Variants in KIF1A observed in about 807,000 individuals in gnomAD.
KIF1A encodes kinesin family member 1A.
In KIF1A, 46 loss-of-function variants were observed where a neutral mutation model predicts 227.3. The observed-to-expected ratio is 0.20, with a 90% CI of 0.16 to 0.26. KIF1A has a LOEUF of 0.26. Among genes scored for constraint, KIF1A ranks in the 10% least tolerant of loss-of-function variants. The pLI, the probability that KIF1A is intolerant of heterozygous loss-of-function variation, is 1.00. For synonymous variants in KIF1A, 1,022 were observed against 1,012.8 expected (o/e 1.01, Z -0.17); for missense variants, 1,683 against 2,485.9 (o/e 0.68, Z 6.87).
At chr2:240,733,939 G>A (rs1334024949) in intron 38 of KIF1A, among the ~76,000 whole-genome samples, 2 of 152,238 alleles carry the variant, frequency 1.3e-5, no homozygotes, top group Admixed American at 6.5e-5. Context: ...GGACTTGGAG[G>A]CCCTCCATCC....
At chr2:240,813,664 AC>A (rs1313723222) in intron 1 of KIF1A, among the ~76,000 whole-genome samples, 1 of 138,710 alleles carries the variant, frequency 7.2e-6, no homozygotes, top group Non-Finnish European at 1.6e-5. Flanking sequence ...TGGACACCCC[AC>A]CCCCCATGGA....
chr2:240,786,600 G>GCTGCCA, intron 5 of KIF1A, 87 bp from the exon 6 acceptor site: 2 of 1,281,290 alleles, frequency 1.6e-6, no homozygotes, highest in Non-Finnish European at 2.2e-6. Context: ...GGGGGTAGGG[G>GCTGCCA]TCAACATAAG....
At position 240,788,213 on chromosome 2, in the gene KIF1A, G is replaced by A. The variant is rs767617976; in HGVS notation, c.201C>T (p.Tyr67=). ...WSHTSPEDIN[Y]ASQKQVYRDI... ...CCCGGTACACCTGCTTCTGCGACGC[G>A]TAGTTGATGTCCTCAGGCTGGAGGA... The change falls in exon 4 of 49, where the codon TAC becomes TAT. Residue 67 remains tyrosine (Y), a synonymous_variant. Transcript: ENST00000498729. This position sits in a 1 kb window ranked among gnomAD's most constrained non-coding sequence, Gnocchi z 6.6. 2.2e-5 allele frequency: 35 copies of A among 1,613,760 alleles called. No individual in the cohort carries two copies. The highest frequency in any genetic ancestry group is 2.5e-5 in the Non-Finnish European group (29 of 1,179,840).
At chr2:240,762,003 T>A (rs2050591035) in intron 23 of KIF1A, among the ~76,000 whole-genome samples, 1 of 152,154 alleles carries the variant, frequency 6.6e-6, no homozygotes, top group South Asian at 2.1e-4. Flanking sequence ...AGGAGGGACT[T>A]GTCCTTGTGC....
chr2:240,796,918 G>A (rs1489408177), intron 2 of KIF1A, among the ~76,000 whole-genome samples: 1 of 152,184 alleles, frequency 6.6e-6, no homozygotes, highest in African/African-American at 2.4e-5. Context: ...CTCCCCACCT[G>A]GTAGATAATA....
chr2:240,817,251 C>T (rs1189851365), intron 1 of KIF1A, among the ~76,000 whole-genome samples: 2 of 152,184 alleles, frequency 1.3e-5, no homozygotes, highest in Admixed American at 1.3e-4. Flanking sequence ...AGGTTCGGGG[C>T]AGGGTGTGGC....
rs897103541 is a variant in KIF1A at position 240,758,029 on chromosome 2, C to T, written c.2582+331G>A. ...AGCCCTGCCTCCATGTTCCCACCCT[C>T]AGGACCAACAGGTGACCTGGAAAGT... On this transcript the variant is annotated intron_variant, in intron 26 of 48. Transcript: ENST00000498729. The surrounding 1 kb of genome is among the most constrained non-coding windows in gnomAD (Gnocchi z 5.2). Among the ~76,000 whole-genome samples the T allele has an allele frequency of 3.9e-5, 6 of 152,226 alleles. No homozygotes were observed. Among genetic ancestry groups the T allele is most frequent in the Non-Finnish European group, 8.8e-5 (6 of 68,048 alleles).
intron 9 of KIF1A, among the ~76,000 whole-genome samples, 180 bp downstream of exon 9, chr2:240,782,864 C>T (rs540715458): frequency 9.2e-5 from 14 of 152,268 alleles, no homozygotes; most frequent in African/African-American, 3.1e-4. Flanking sequence ...CTGAGGGTCC[C>T]GGGAGAAACC....
At chr2:240,747,119 C>G in intron 29 of KIF1A, 117 bp downstream of exon 29, 1 of 683,166 alleles carries the variant, frequency 1.5e-6, no homozygotes, top group East Asian at 2.8e-5. Flanking sequence ...GGGAAGAACC[C>G]CAAGAGGACT....
intron 1 of KIF1A, among the ~76,000 whole-genome samples, chr2:240,801,676 G>A (rs535785606): frequency 8.5e-5 from 13 of 152,134 alleles, no homozygotes; most frequent in Non-Finnish European, 1.6e-4. Context: ...GGTCATGAGG[G>A]TGGGGCCTCA....
intron 24 of KIF1A, 87 bp downstream of exon 24, chr2:240,761,142 G>T: frequency 6.9e-7 from 1 of 1,457,052 alleles, no homozygotes; most frequent in Non-Finnish European, 9.4e-7. Context: ...AGAGAGCCAA[G>T]TGCTGAGTCC....
At chr2:240,724,398 C>T in intron 40 of KIF1A, 1 of 348,392 alleles carries the variant, frequency 2.9e-6, no homozygotes, top group South Asian at 2.6e-5. Context: ...CCCCATACCC[C>T]ACAGAGCAGC....
chr2:240,819,779 A>G (rs2106396893), intron 1 of KIF1A, among the ~76,000 whole-genome samples: 1 of 151,872 alleles, frequency 6.6e-6, no homozygotes, highest in East Asian at 2.0e-4. Context: ...GGGCGGGGGT[A>G]TCCCGATCCC....
intron 28 of KIF1A, among the ~76,000 whole-genome samples, chr2:240,748,508 G>C (rs1456122000): frequency 6.6e-6 from 1 of 151,682 alleles, no homozygotes; most frequent in Non-Finnish European, 1.5e-5. Flanking sequence ...GCTCAGGATG[G>C]CTCCGCTCAG....
Position 240,760,842 on chromosome 2 carries a change from A to G in KIF1A, c.2267T>C (p.Val756Ala). 6.2e-7 allele frequency: 1 copy of G among 1,605,146 alleles called. No homozygotes were observed. The highest frequency in any genetic ancestry group is 8.5e-7 in the Non-Finnish European group (1 of 1,176,826). The change falls in exon 25 of 49, where the codon GTA becomes GCA. Residue 756 changes from valine to alanine, a missense_variant and splice_region_variant. This residue lies in a region of KIF1A where 217 missense variants were observed against 427.0 expected (regional missense o/e 0.51). Coordinates refer to ENST00000498729, the MANE Select transcript of KIF1A (RefSeq NM_001244008.2). ...NAISVELKKK[V>A]QFQFVLLTDT... The stretch of plus-strand genomic sequence containing the variant: ...CGTCAGGAGGACAAACTGGAATTGT[A>G]CCTGTGACAGGGGAAGATGACCACT...
intron 27 of KIF1A, among the ~76,000 whole-genome samples, chr2:240,755,698 A>G (rs1262776359): frequency 6.6e-6 from 1 of 152,166 alleles, no homozygotes; most frequent in Non-Finnish European, 1.5e-5. Context: ...TCAAATCCAC[A>G]AAAGGGGAAA....
At chr2:240,796,635 C>T (rs1432926902) in intron 2 of KIF1A, among the ~76,000 whole-genome samples, 1 of 152,204 alleles carries the variant, frequency 6.6e-6, no homozygotes, top group African/African-American at 2.4e-5. Context: ...TGGGGCCCCA[C>T]AGCCGCAGCA....
intron 5 of KIF1A, among the ~76,000 whole-genome samples, 165 bp downstream of exon 5, chr2:240,787,086 C>T (rs1432217131): frequency 6.6e-6 from 1 of 152,148 alleles, no homozygotes; most frequent in African/African-American, 2.4e-5. Context: ...TTGGGGGTCT[C>T]GAGCCCTGCC....
At position 240,736,202 on chromosome 2, in the gene KIF1A, C is replaced by T. The variant is rs2047303535; in HGVS notation, c.4007+861G>A. ...ACCCTGACCCTCCTTGCAGGGAGGC[C>T]CTCAAAGACGTTTTCCTACAAACAC... On this transcript the variant is annotated intron_variant, in intron 38 of 48. Coordinates refer to ENST00000498729, the MANE Select transcript of KIF1A (RefSeq NM_001244008.2). The surrounding 1 kb of genome is among the most constrained non-coding windows in gnomAD (Gnocchi z 4.7). Among the ~76,000 whole-genome samples the T allele has an allele frequency of 3.9e-5, 6 of 152,144 alleles. No individual in the cohort carries two copies. The South Asian group carries it at 1.2e-3, about 31-fold the overall frequency.
Sources: gnomAD v4.1 joint callset for allele counts (sites outside exome capture counted in the v4.1 genomes callset) on GRCh38, gnomAD v4.1.1 for gene constraint, gnomAD v4.1.1 regional missense constraint, Gnocchi (gnomAD v3.1) non-coding constraint, MANE v1.5 for transcripts, NCBI Gene and HGNC (gene_info 2026-07-23, HGNC 2026-07-21) for gene names.